The following SHISA3 variants were observed in gnomAD, a reference collection of about 807,000 sequenced individuals.
SHISA3 encodes protein shisa-3 homolog.
A neutral mutation model predicts 19.2 loss-of-function variants in SHISA3; 15 were observed. That is an observed-to-expected ratio of 0.78 (90% CI 0.52 to 1.20). SHISA3 has a LOEUF of 1.20. Among genes scored for constraint, SHISA3 ranks in the 50% most tolerant of loss-of-function variants. The pLI is 0.00. For missense variants in SHISA3, 327 were observed against 315.7 expected, an observed-to-expected ratio of 1.04 and a Z score of -0.27; for synonymous variants, 145 against 135.2, an observed-to-expected ratio of 1.07 and a Z score of -0.50.
chr4:42,399,287 A>G (rs1234713620), intron 1 of SHISA3, among the ~76,000 whole-genome samples: 1 of 152,136 alleles, frequency 6.6e-6, no homozygotes, highest in Non-Finnish European at 1.5e-5. Context: ...AGAGATCATT[A>G]AGGGTTCCCC....
rs1195968751 is a variant in SHISA3, at chr4:42,397,865, C to A, written c.-192C>A. The A allele has an allele frequency of 8.0e-6, 4 of 501,790 alleles. No homozygotes were observed. Among genetic ancestry groups the A allele is most frequent in the Non-Finnish European group, 1.4e-5 (4 of 293,402 alleles). 31.1% of individuals were successfully genotyped at this position (501,790 alleles called of 1,614,324 possible). A position where few individuals can be genotyped will look rare whatever the true frequency, so the allele number is the denominator to read the frequency against. ...GCGCACCATGCTGACTCCCGGCCTG[C>A]GGAACTCGTAGTGCAGCCCCTGTCG... is the stretch of plus-strand genomic sequence containing the variant. On this transcript the variant is annotated 5_prime_UTR_variant, in exon 1 of 2. Transcript: ENST00000319234.
Position 42,401,373 on chromosome 4 carries a change from AC to A in SHISA3, c.643del (p.Gln215SerfsTer30), listed in dbSNP as rs766017462. ...LAQPSGFLVS[P>X]QYFAYPLQQE... ...CTCAGCCATCTGGTTTCCTGGTGTC[AC>A]CCCAGTATTTCGCTTACCCCCTCCA... On this transcript the variant is annotated frameshift_variant, in exon 2 of 2. Coordinates refer to ENST00000319234, the MANE Select transcript of SHISA3 (RefSeq NM_001080505.3). LOFTEE classifies it high-confidence loss of function. 10 of 1,613,742 alleles carry A rather than the reference AC, an allele frequency of 6.2e-6. No homozygotes were observed. Among genetic ancestry groups the A allele is most frequent in the Non-Finnish European group, 1.7e-6 (2 of 1,179,940 alleles).
Position 42,398,021 on chromosome 4 carries a change from C to T in SHISA3, c.-36C>T, listed in dbSNP as rs1711792860. On this transcript the variant is annotated 5_prime_UTR_variant, in exon 1 of 2. Coordinates refer to ENST00000319234, the MANE Select transcript of SHISA3 (RefSeq NM_001080505.3). Reference sequence around the variant, plus strand: ...GGCTCAGCCCTTCGCTTTCCAGCTGCGTCCTGCTCCCGGCCGCCCAGGGAG... The same window carrying T: ...GGCTCAGCCCTTCGCTTTCCAGCTGTGTCCTGCTCCCGGCCGCCCAGGGAG... 1.3e-6 allele frequency: 2 copies of T among 1,496,696 alleles called. No homozygotes were observed. The highest frequency in any genetic ancestry group is 1.3e-5 in the South Asian group (1 of 74,366). The allele number at this position is 1,496,696 out of a possible 1,614,324, so 92.7% of individuals were successfully genotyped here. A position where few individuals can be genotyped will look rare whatever the true frequency, so the allele number is the denominator to read the frequency against.
rs1413610642 is a variant in SHISA3 at position 42,397,842 on chromosome 4, G to T, written c.-215G>T. 2.5e-5 allele frequency: 11 copies of T among 448,026 alleles called. No individual in the cohort carries two copies. Among genetic ancestry groups the T allele is most frequent in the South Asian group, 1.6e-4 (3 of 18,336 alleles). 27.8% of individuals were successfully genotyped at this position (448,026 alleles called of 1,614,324 possible). ...GCAGGCCCTCGCCAACTCGCCCCGC[G>T]CACCATGCTGACTCCCGGCCTGCGG... On this transcript the variant is annotated 5_prime_UTR_variant, in exon 1 of 2. Transcript: ENST00000319234.
rs1560286352 is a variant in SHISA3 at position 42,397,873 on chromosome 4, G to A, written c.-184G>A. 1 of 523,130 alleles carries A rather than the reference G, an allele frequency of 1.9e-6. No individual in the cohort carries two copies. Among genetic ancestry groups the A allele is most frequent in the East Asian group, 3.4e-5 (1 of 29,046 alleles). 32.4% of individuals were successfully genotyped at this position (523,130 alleles called of 1,614,324 possible). ...TGCTGACTCCCGGCCTGCGGAACTC[G>A]TAGTGCAGCCCCTGTCGCCTCCCCG... On this transcript the variant is annotated 5_prime_UTR_variant, in exon 1 of 2. Coordinates refer to ENST00000319234, the MANE Select transcript of SHISA3 (RefSeq NM_001080505.3).
In SHISA3 at chr4:42,397,896, C is replaced by T; in HGVS notation, c.-161C>T. ...TCGTAGTGCAGCCCCTGTCGCCTCC[C>T]CGGCCCCTGCTATCCCACGCAGGAC... On this transcript the variant is annotated 5_prime_UTR_variant, in exon 1 of 2. Coordinates refer to ENST00000319234, the MANE Select transcript of SHISA3 (RefSeq NM_001080505.3). The T allele has an allele frequency of 1.6e-6, 1 of 622,472 alleles. No homozygotes were observed. Among genetic ancestry groups the T allele is most frequent in the Non-Finnish European group, 2.6e-6 (1 of 379,420 alleles). 38.6% of individuals were successfully genotyped at this position (622,472 alleles called of 1,614,324 possible).
intron 1 of SHISA3, among the ~76,000 whole-genome samples, chr4:42,399,540 G>A (rs983994082): frequency 6.6e-6 from 1 of 152,208 alleles, no homozygotes; most frequent in Non-Finnish European, 1.5e-5. Flanking sequence ...TGCCCTCTGG[G>A]AGTAAGTGCA....
chr4:42,400,981 G>GCAT (rs758277531), intron 1 of SHISA3, 31 bp from the exon 2 acceptor site: 1 of 1,601,852 alleles, frequency 6.2e-7, no homozygotes. Context: ...CCTCATCTGA[G>GCAT]CATCTGTTTA....
rs747597236 is a variant in SHISA3 at position 42,401,282 on chromosome 4, C to G, written c.548C>G (p.Ala183Gly). Residue 183 changes from alanine to glycine, a missense_variant, in exon 2 of 2, where the codon GCT becomes GGT. Physicochemically the swap from Ala to Gly is moderately conservative, Grantham distance 60. Transcript: ENST00000319234. ...GSIRRFSFAR[A>G]EPGCLVPSPP... ...ATCCGCAGGTTCTCCTTTGCCAGGG[C>G]TGAGCCGGGCTGCCTGGTGCCCTCA... The G allele has an allele frequency of 1.9e-6, 3 of 1,614,148 alleles. No individual in the cohort carries two copies. Among genetic ancestry groups the G allele is most frequent in the Non-Finnish European group, 2.5e-6 (3 of 1,180,022 alleles).
Position 42,401,315 on chromosome 4 carries a change from C to T in SHISA3, c.581C>T (p.Pro194Leu), listed in dbSNP as rs142830758. The T allele has an allele frequency of 3.0e-5, 48 of 1,614,074 alleles. No homozygotes were observed. The Admixed American group carries it at 4.0e-4, about 13-fold the overall frequency. Reference protein sequence around the residue: ...EPGCLVPSPPPPYTTSHSIHL... With the variant: ...EPGCLVPSPPLPYTTSHSIHL... Reference sequence around the variant, plus strand: ...GGCTGCCTGGTGCCCTCACCGCCCCCGCCATACACCACCAGCCACTCAATC... The same window carrying T: ...GGCTGCCTGGTGCCCTCACCGCCCCTGCCATACACCACCAGCCACTCAATC... The change falls in exon 2 of 2, where the codon CCG becomes CTG. Residue 194 changes from proline (P) to leucine (L), a missense_variant. Coordinates refer to ENST00000319234, the MANE Select transcript of SHISA3 (RefSeq NM_001080505.3).
Position 42,397,941 on chromosome 4 carries a change from C to A in SHISA3, c.-116C>A. On this transcript the variant is annotated 5_prime_UTR_variant, in exon 1 of 2. Coordinates refer to ENST00000319234, the MANE Select transcript of SHISA3 (RefSeq NM_001080505.3). ...CAGGACTGGCTTCGGCCGCCGGGGC[C>A]AGCAGCTTGCGACGTGTCCCTGGGG... is the stretch of plus-strand genomic sequence containing the variant. 1 of 1,076,916 alleles carries A rather than the reference C, an allele frequency of 9.3e-7. No homozygotes were observed. Among genetic ancestry groups the A allele is most frequent in the South Asian group, 1.7e-5 (1 of 58,548 alleles). The allele number at this position is 1,076,916 out of a possible 1,614,324, so 66.7% of individuals were successfully genotyped here.
intron 1 of SHISA3, 94 bp downstream of exon 1, chr4:42,398,427 T>G: frequency 1.6e-5 from 21 of 1,294,700 alleles, no homozygotes; most frequent in South Asian, 1.5e-5. Context: ...GGCAGGTCTA[T>G]GCGCCTTCCT....
rs560033511 is a variant in SHISA3, at chr4:42,398,303, C to G, written c.247C>G (p.Arg83Gly). The change falls in exon 1 of 2, where the codon CGC becomes GGC. Residue 83 changes from arginine (R) to glycine (G), a missense_variant. By Grantham distance (125) the Arg-to-Gly change is moderately radical (BLOSUM62 -2). Transcript: ENST00000319234. ...LEQGGCTNDR[R>G]ELEHPGITAQ... ...GCAGGGCGGCTGCACCAACGACCGC[C>G]GCGAACTGGAGCACCCAGGCATCAC... 9 of 1,561,636 alleles carry G rather than the reference C, an allele frequency of 5.8e-6. No individual in the cohort carries two copies. In the East Asian group the frequency reaches 1.9e-4, roughly 33 times the overall value.
chr4:42,398,624 G>T (rs569110751), intron 1 of SHISA3, among the ~76,000 whole-genome samples: 1 of 152,122 alleles, frequency 6.6e-6, no homozygotes, highest in Non-Finnish European at 1.5e-5. Context: ...CCTGGTAGCC[G>T]GGGGGAAGAC....
intron 1 of SHISA3, 22 bp from the exon 2 acceptor site, chr4:42,400,990 T>TA: frequency 6.2e-7 from 1 of 1,610,120 alleles, no homozygotes; most frequent in South Asian, 1.1e-5. Context: ...AGCATCTGTT[T>TA]ATGTCTGTTT....
rs779011015 is a variant in SHISA3, at chr4:42,401,476, C to T, written c.*25C>T. ...ACACGCCCAGGCCATGAATCCACAA[C>T]TCAGTCAGATGGCAGACAGGTGGAG... On this transcript the variant is annotated 3_prime_UTR_variant, in exon 2 of 2. Transcript: ENST00000319234. 6.5e-7 allele frequency: 1 copy of T among 1,536,534 alleles called. No individual in the cohort carries two copies. The highest frequency in any genetic ancestry group is 2.1e-5 in the Admixed American group (1 of 47,830).
rs1711926489 is a variant in SHISA3, at chr4:42,401,610, T to C, written c.*159T>C. ...CAGCACCTTCTAATTTGAAAGTTCC[T>C]GTCTCCAATCACAGAAAGGCTAAAC... On this transcript the variant is annotated 3_prime_UTR_variant, in exon 2 of 2. Transcript: ENST00000319234. The C allele has an allele frequency of 1.4e-6, 1 of 738,340 alleles. No homozygotes were observed. 45.7% of individuals were successfully genotyped at this position (738,340 alleles called of 1,614,324 possible). A position where few individuals can be genotyped will look rare whatever the true frequency, so the allele number is the denominator to read the frequency against.
rs141364080 is a variant in SHISA3 at position 42,397,817 on chromosome 4, G to A, written c.-240G>A. 0.036 allele frequency: 15,953 copies of A among 437,600 alleles called. 388 individuals are homozygous for A. Among genetic ancestry groups the A allele is most frequent in the Middle Eastern group, 0.089 (151 of 1,690 alleles). The allele number at this position is 437,600 out of a possible 1,614,324, so 27.1% of individuals were successfully genotyped here. A position where few individuals can be genotyped will look rare whatever the true frequency, so the allele number is the denominator to read the frequency against. On this transcript the variant is annotated 5_prime_UTR_variant, in exon 1 of 2. Transcript: ENST00000319234. ...GCAACTGCCTCTGCCGGCGCCTCCC[G>A]CAGGCCCTCGCCAACTCGCCCCGCG...
chr4:42,401,192 C>T lies in SHISA3; in HGVS notation c.458C>T (p.Thr153Ile), dbSNP rs755931490. 29 of 1,614,092 alleles carry T rather than the reference C, an allele frequency of 1.8e-5. No homozygotes were observed. In the South Asian group the frequency reaches 3.2e-4, roughly 18 times the overall value. ...ACCCTGCCCATGATCCTGACCTCCA[C>T]CAGCCCCAGGGCACCCTCCCGGCAG... ...TETLPMILTS[T>I]SPRAPSRQSS... is the part of the protein sequence containing the mutation. The change falls in exon 2 of 2, where the codon ACC (threonine) becomes ATC (isoleucine). Residue 153 changes from threonine (T) to isoleucine (I), a missense_variant. Coordinates refer to ENST00000319234, the MANE Select transcript of SHISA3 (RefSeq NM_001080505.3).
Sources: allele counts gnomAD v4.1 joint callset (sites outside exome capture counted in the v4.1 genomes callset), GRCh38; gene constraint gnomAD v4.1.1; transcripts MANE v1.5; gene names NCBI Gene and HGNC (gene_info 2026-07-23, HGNC 2026-07-21).